The following DHRS7B variants were observed in gnomAD, a reference collection of about 807,000 sequenced individuals.
DHRS7B encodes the protein peroxisomal reductase activating PPAR-gamma.
DHRS7B carries 24 observed loss-of-function variants against 26.4 expected under a neutral mutation model. That is an observed-to-expected ratio of 0.91 (90% CI 0.66 to 1.28). DHRS7B has a LOEUF of 1.28. Among genes scored for constraint, DHRS7B ranks in the 50% most tolerant of loss-of-function variants. The probability of loss-of-function intolerance (pLI) is 0.00; values close to 1 mark genes in which losing one functional copy is unlikely to be tolerated. For synonymous variants in DHRS7B, 142 were observed against 166.4 expected, an observed-to-expected ratio of 0.85 and a Z score of 1.13; for missense variants, 368 against 419.4, an observed-to-expected ratio of 0.88 and a Z score of 1.07.
intron 1 of DHRS7B, among the ~76,000 whole-genome samples, chr17:21,138,091 T>TACACACACACACACAC (rs1207234984): frequency 4.5e-4 from 24 of 53,400 alleles, no homozygotes; most frequent in African/African-American, 1.6e-3. Context: ...TATATATATA[T>TACACACACACACACAC]ATATATATAT....
At chr17:21,161,293 G>T (rs1229818900) in intron 1 of DHRS7B, among the ~76,000 whole-genome samples, 1 of 152,188 alleles carries the variant, frequency 6.6e-6, no homozygotes, top group Non-Finnish European at 1.5e-5. Flanking sequence ...CTGTACTTGT[G>T]TGGACACAGG....
intron 1 of DHRS7B, among the ~76,000 whole-genome samples, chr17:21,140,537 C>CACAT (rs1973482023): frequency 6.7e-6 from 1 of 148,586 alleles, no homozygotes; most frequent in Non-Finnish European, 1.5e-5. Context: ...CACACACACA[C>CACAT]ACCCTGACAC....
intron 1 of DHRS7B, among the ~76,000 whole-genome samples, chr17:21,164,808 A>C (rs1974075459): frequency 3.3e-5 from 5 of 152,148 alleles, no homozygotes; most frequent in Admixed American, 3.3e-4. Flanking sequence ...CTGGTACCAG[A>C]GGGCACTTGA....
rs1324237528 is a variant in DHRS7B, at chr17:21,180,915, A to G, written c.309+2573A>G. 2.6e-5 allele frequency among the ~76,000 whole-genome samples: 4 copies of G among 152,196 alleles called. No individual in the cohort carries two copies. The South Asian group carries it at 6.2e-4, about 24-fold the overall frequency. ...TGGGGAGTACTCTCACATCAACAAC[A>G]CGGTCTTCCAGTCCATGAATGCAGG... On this transcript the variant is annotated intron_variant, in intron 3 of 6. Coordinates refer to ENST00000395511, the MANE Select transcript of DHRS7B (RefSeq NM_015510.5).
At position 21,164,030 on chromosome 17, in the gene DHRS7B, C is replaced by CTTTTTTTTTTTTTTTTTTTTTTTTTTTT. The variant is rs35189205; in HGVS notation, c.21-7972_21-7971insTTTTTTTTTTTTTTTTTTTTTTTTTTTT. Among the ~76,000 whole-genome samples, 21 of 96,946 alleles carry CTTTTTTTTTTTTTTTTTTTTTTTTTTTT rather than the reference C, an allele frequency of 2.2e-4. 4 individuals carry two copies. The highest frequency in any genetic ancestry group is 9.6e-4 in the African/African-American group (19 of 19,758). 63.6% of individuals were successfully genotyped at this position (96,946 alleles called of 152,430 possible). A position where few individuals can be genotyped will look rare whatever the true frequency, so the allele number is the denominator to read the frequency against. ...AGTGCAGATATTGTCAATTGTTGTG[C>CTTTTTTTTTTTTTTTTTTTTTTTTTTTT]TTTTTTTTTTTTTTTTGAGACAGGG... On this transcript the variant is annotated intron_variant, in intron 1 of 6. Coordinates refer to ENST00000395511, the MANE Select transcript of DHRS7B (RefSeq NM_015510.5).
At chr17:21,187,094 G>T (rs71371046) in intron 5 of DHRS7B, among the ~76,000 whole-genome samples, 8,621 of 143,092 alleles carry the variant, frequency 0.06, 344 homozygotes, top group Middle Eastern at 0.11. Context: ...TGTATTAAAA[G>T]ATATATATAT....
chr17:21,171,989 A>T lies in DHRS7B; in HGVS notation c.21-29A>T, dbSNP rs1974258867. ...GTCCCCTGAACTCTGCTACTTTGTC[A>T]CTGGTGTGTTTGGTTTTGGTTCTTC... On this transcript the variant is annotated intron_variant, in intron 1 of 6. Coordinates refer to ENST00000395511, the MANE Select transcript of DHRS7B (RefSeq NM_015510.5). The T allele has an allele frequency of 1.9e-6, 3 of 1,613,950 alleles. No individual in the cohort carries two copies. The African/African-American group carries it at 4.0e-5, about 22-fold the overall frequency.
At chr17:21,135,155 A>G (rs1973315166) in intron 1 of DHRS7B, among the ~76,000 whole-genome samples, 1 of 152,204 alleles carries the variant, frequency 6.6e-6, no homozygotes, top group South Asian at 2.1e-4. Flanking sequence ...GACACACAAT[A>G]ATTTTATGAT....
At chr17:21,171,776 C>G in intron 1 of DHRS7B, 1 of 632,696 alleles carries the variant, frequency 1.6e-6, no homozygotes, top group Non-Finnish European at 2.9e-6. Flanking sequence ...CGCTTGTTCC[C>G]TGAGGGGCAG....
At chr17:21,135,575 G>A (rs1973323243) in intron 1 of DHRS7B, among the ~76,000 whole-genome samples, 1 of 152,120 alleles carries the variant, frequency 6.6e-6, no homozygotes, top group South Asian at 2.1e-4. Context: ...AATTAATTTT[G>A]CAAACAATAA....
At chr17:21,139,341 C>G (rs993158077) in intron 1 of DHRS7B, among the ~76,000 whole-genome samples, 1 of 152,114 alleles carries the variant, frequency 6.6e-6, no homozygotes, top group Non-Finnish European at 1.5e-5. Flanking sequence ...ACCCCCGTGC[C>G]ATATTTTGAC....
At chr17:21,138,211 CTTTTTTTTTTTT>C (rs901329961) in intron 1 of DHRS7B, among the ~76,000 whole-genome samples, 11 of 78,224 alleles carry the variant, frequency 1.4e-4, no homozygotes, top group Non-Finnish European at 2.5e-4. Context: ...ATCCCTCCTT[CTTTTTTTTTTTT>C]TTTTTTTTTT....
In DHRS7B at chr17:21,187,633, C is replaced by CAA. The variant is rs370213730; in HGVS notation, c.620-1062_620-1061dup. Among the ~76,000 whole-genome samples, 20 of 99,662 alleles carry CAA rather than the reference C, an allele frequency of 2.0e-4. 1 individual carries two copies. Among genetic ancestry groups the CAA allele is most frequent in the Non-Finnish European group, 3.3e-4 (16 of 49,096 alleles). The allele number at this position is 99,662 out of a possible 152,430, so 65.4% of individuals were successfully genotyped here. On this transcript the variant is annotated intron_variant, in intron 5 of 6. Transcript: ENST00000395511. ...TGGGTGGCAGAGCGAGACTCTGTCT[C>CAA]AAAAAAAAAAAAAAAAAGGAAAAAA...
chr17:21,151,646 CAGAT>C (rs1973774829), intron 1 of DHRS7B, among the ~76,000 whole-genome samples: 2 of 152,038 alleles, frequency 1.3e-5, no homozygotes, highest in South Asian at 2.1e-4. Flanking sequence ...AAATAAAAGA[CAGAT>C]AGGTGGATAC....
chr17:21,168,523 C>T (rs1337905846), intron 1 of DHRS7B, among the ~76,000 whole-genome samples: 1 of 152,114 alleles, frequency 6.6e-6, no homozygotes, highest in South Asian at 2.1e-4. Context: ...CGTGCACTAC[C>T]ATACCTGGTT....
chr17:21,176,207 C>G (rs1974374953), intron 2 of DHRS7B, among the ~76,000 whole-genome samples: 1 of 151,992 alleles, frequency 6.6e-6, no homozygotes, highest in African/African-American at 2.4e-5. Context: ...AGGCTGGTCT[C>G]AAACTTCTGG....
At chr17:21,150,931 G>A (rs1269194699) in intron 1 of DHRS7B, among the ~76,000 whole-genome samples, 1 of 152,114 alleles carries the variant, frequency 6.6e-6, no homozygotes, top group Admixed American at 6.5e-5. Flanking sequence ...TTAGAATGTG[G>A]ACATCTTTGA....
chr17:21,183,901 T>C, intron 4 of DHRS7B, 91 bp downstream of exon 4: 1 of 1,124,792 alleles, frequency 8.9e-7, no homozygotes, highest in Non-Finnish European at 1.3e-6. Context: ...GTTCCCCATC[T>C]CCATCCTCTC....
chr17:21,137,163 G>T (rs995696502), intron 1 of DHRS7B, among the ~76,000 whole-genome samples: 3 of 151,658 alleles, frequency 2.0e-5, no homozygotes, highest in South Asian at 2.1e-4. Flanking sequence ...TAGAGACAGG[G>T]TTTCACTATT....
Sources: allele counts gnomAD v4.1 joint callset (sites outside exome capture counted in the v4.1 genomes callset), GRCh38; gene constraint gnomAD v4.1.1; transcripts MANE v1.5; gene names NCBI Gene and HGNC (gene_info 2026-07-23, HGNC 2026-07-21).